The following PUM1 variants were observed in gnomAD, a reference collection of about 807,000 sequenced individuals.
PUM1 encodes pumilio RNA binding family member 1.
A neutral mutation model predicts 131.8 loss-of-function variants in PUM1; 13 were observed. That is an observed-to-expected ratio of 0.10 (90% CI 0.06 to 0.16). PUM1 has a LOEUF of 0.16. Among genes scored for constraint, PUM1 ranks in the 10% least tolerant of loss-of-function variants. The probability of loss-of-function intolerance (pLI) is 1.00; values close to 1 mark genes in which losing one functional copy is unlikely to be tolerated. For missense variants in PUM1, 961 were observed against 1,512.4 expected (o/e 0.64, Z 6.05); for synonymous variants, 509 against 556.5 (o/e 0.91, Z 1.20).
At chr1:31,034,699 T>C (rs188441425) in intron 2 of PUM1, among the ~76,000 whole-genome samples, 38 of 152,324 alleles carry the variant, frequency 2.5e-4, no homozygotes, top group Middle Eastern at 3.4e-3. Flanking sequence ...CCCCTGAATT[T>C]TTGTTAACTA....
At position 30,956,552 on chromosome 1, in the gene PUM1, C is replaced by T. The variant is rs1042922953; in HGVS notation, c.2324-2571G>A. Among the ~76,000 whole-genome samples, 10 of 152,194 alleles carry T rather than the reference C, an allele frequency of 6.6e-5. 1 individual carries two copies. In the East Asian group the frequency reaches 9.6e-4, roughly 15 times the overall value. ...GTGCTGGGATTACAGGCATGAGCCA[C>T]GGCGCCCGGCCAAGACTGTTCTTTA... On this transcript the variant is annotated intron_variant, in intron 14 of 21. Coordinates refer to ENST00000426105, the MANE Select transcript of PUM1 (RefSeq NM_001020658.2).
At chr1:31,019,190 T>C (rs1222966079) in intron 3 of PUM1, among the ~76,000 whole-genome samples, 3 of 152,018 alleles carry the variant, frequency 2.0e-5, no homozygotes, top group Non-Finnish European at 4.4e-5. Flanking sequence ...CCGCCTCCAT[T>C]AGAAGTACAA....
In PUM1 at chr1:31,029,071, C is replaced by T. The variant is rs536759364; in HGVS notation, c.364-207G>A. ...GACCCCTACTTTCTCCCCTCCCATT[C>T]CCTTATATTTTCAAAACATGAAAAA... On this transcript the variant is annotated intron_variant, in intron 2 of 21. Coordinates refer to ENST00000426105, the MANE Select transcript of PUM1 (RefSeq NM_001020658.2). Among the ~76,000 whole-genome samples the T allele has an allele frequency of 3.3e-5, 5 of 152,314 alleles. No homozygotes were observed. The South Asian group carries it at 8.3e-4, about 25-fold the overall frequency.
intron 3 of PUM1, among the ~76,000 whole-genome samples, chr1:31,020,913 G>A (rs1230284806): frequency 6.6e-6 from 1 of 152,116 alleles, no homozygotes; most frequent in Non-Finnish European, 1.5e-5. Flanking sequence ...TATTAGCAAG[G>A]TTACAGTAAC....
chr1:30,956,008 AAATG>A (rs752067135), intron 14 of PUM1, among the ~76,000 whole-genome samples: 3 of 152,204 alleles, frequency 2.0e-5, no homozygotes, highest in Non-Finnish European at 4.4e-5. Flanking sequence ...CAGAGAGGTG[AAATG>A]TTCATCCAAA....
At chr1:30,955,766 A>G (rs1640138620) in intron 14 of PUM1, among the ~76,000 whole-genome samples, 1 of 152,236 alleles carries the variant, frequency 6.6e-6, no homozygotes, top group Non-Finnish European at 1.5e-5. Context: ...AAAGATACCC[A>G]GGCTGGACTT....
intron 20 of PUM1, among the ~76,000 whole-genome samples, chr1:30,940,927 G>C (rs111293085): frequency 3.3e-5 from 5 of 152,242 alleles, no homozygotes; most frequent in African/African-American, 1.2e-4. Context: ...ACATTCTTTA[G>C]TAACATATTC....
At chr1:30,939,332 C>A (rs936290200) in intron 20 of PUM1, among the ~76,000 whole-genome samples, 1 of 152,202 alleles carries the variant, frequency 6.6e-6, no homozygotes, top group Non-Finnish European at 1.5e-5. Flanking sequence ...ATTCTTTCAG[C>A]CTTAGCTGGA....
chr1:30,959,676 G>A (rs1325667300), intron 14 of PUM1, among the ~76,000 whole-genome samples: 2 of 152,150 alleles, frequency 1.3e-5, no homozygotes, highest in East Asian at 1.9e-4. Flanking sequence ...GGGAGGCCAA[G>A]GCAGGCAGAT....
chr1:30,938,721 C>T (rs532310876), intron 20 of PUM1, among the ~76,000 whole-genome samples: 284 of 152,084 alleles, frequency 1.9e-3, no homozygotes, highest in Middle Eastern at 0.01. Context: ...AAAAATTAGC[C>T]GGGAGTGGTG....
rs1470654414 is a variant in PUM1, at chr1:30,964,681, T to G, written c.2316A>C (p.Leu772Phe). The change falls in exon 14 of 22, where the codon TTA becomes TTC. Residue 772 changes from leucine (L) to phenylalanine (F), a missense_variant. This residue lies in a region of PUM1 where 117 missense variants were observed against 200.7 expected (regional missense o/e 0.58). Coordinates refer to ENST00000426105, the MANE Select transcript of PUM1 (RefSeq NM_001020658.2). ...TAGAGTAATGGTTCTTACCCAGGTTTAAGCTTGAAGAGGATCCATGTGAAG... is the reference window on the plus strand; with the variant it reads ...TAGAGTAATGGTTCTTACCCAGGTTGAAGCTTGAAGAGGATCCATGTGAAG... Reference protein sequence around the residue: ...SLSSHGSSSSLNLGGLTNGSG... With the variant: ...SLSSHGSSSSFNLGGLTNGSG... 1 of 1,610,348 alleles carries G rather than the reference T, an allele frequency of 6.2e-7. No individual in the cohort carries two copies. The highest frequency in any genetic ancestry group is 8.5e-7 in the Non-Finnish European group (1 of 1,176,680).
intron 3 of PUM1, among the ~76,000 whole-genome samples, chr1:31,009,992 A>G (rs1642549010): frequency 6.6e-6 from 1 of 152,086 alleles, no homozygotes; most frequent in South Asian, 2.1e-4. Flanking sequence ...AAGCCAGGAG[A>G]AGCAGGTGAA....
At chr1:30,972,262 AGAAAAGAAGGGAAGG>A (rs1300770552) in intron 10 of PUM1, among the ~76,000 whole-genome samples, 21 of 26,170 alleles carry the variant, frequency 8.0e-4, no homozygotes, top group East Asian at 4.8e-3. Flanking sequence ...CAGAAAGAAA[AGAAAAGAAGGGAAGG>A]GAAGGGAAGG....
chr1:30,977,725 C>T (rs917351268), intron 9 of PUM1, among the ~76,000 whole-genome samples: 4 of 152,150 alleles, frequency 2.6e-5, no homozygotes, highest in African/African-American at 4.8e-5. Flanking sequence ...TTCTGATCAC[C>T]GAACTACCAT....
rs375494815 is a variant in PUM1 at position 30,981,378 on chromosome 1, C to T, written c.1186G>A (p.Val396Ile). ...QLFQRPNALA[V>I]QQLTAAQQQQ... ...TGCTGAGCAGCTGTCAACTGCTGGA[C>T]AGCAAGCGCATTAGGTCTTTGGAAC... Residue 396 changes from valine (V) to isoleucine (I), a missense_variant, in exon 8 of 22, where the codon GTC becomes ATC. Physicochemically the swap from Val to Ile is conservative, Grantham distance 29. Coordinates refer to ENST00000426105, the MANE Select transcript of PUM1 (RefSeq NM_001020658.2). 6.9e-6 allele frequency: 11 copies of T among 1,604,670 alleles called. No individual in the cohort carries two copies. Among genetic ancestry groups the T allele is most frequent in the South Asian group, 1.1e-5 (1 of 88,944 alleles).
intron 14 of PUM1, 36 bp from the exon 15 acceptor site, chr1:30,954,017 C>A: frequency 6.3e-7 from 1 of 1,582,994 alleles, no homozygotes; most frequent in South Asian, 1.1e-5. Context: ...TAAGACCACT[C>A]TTCAGCAACT....
intron 7 of PUM1, among the ~76,000 whole-genome samples, chr1:30,986,103 C>T (rs1298927247): frequency 2.0e-5 from 3 of 152,078 alleles, no homozygotes; most frequent in Admixed American, 6.5e-5. Flanking sequence ...TACAGGCTTG[C>T]GCCACCACAC....
intron 9 of PUM1, among the ~76,000 whole-genome samples, chr1:30,976,065 G>A (rs1213551656): frequency 7.1e-6 from 1 of 141,820 alleles, no homozygotes; most frequent in African/African-American, 2.6e-5. Context: ...TCCAGCCTGG[G>A]CAACAGAGCA....
chr1:31,025,981 G>A (rs886369233), intron 3 of PUM1, among the ~76,000 whole-genome samples: 5 of 152,100 alleles, frequency 3.3e-5, no homozygotes, highest in East Asian at 1.9e-4. Flanking sequence ...CACCGGGCAC[G>A]GTAGCTCAAG....
Sources: allele counts gnomAD v4.1 joint callset (sites outside exome capture counted in the v4.1 genomes callset), GRCh38; gene constraint gnomAD v4.1.1; regional missense constraint gnomAD v4.1.1; transcripts MANE v1.5; gene names NCBI Gene and HGNC (gene_info 2026-07-23, HGNC 2026-07-21).